ADGRL3: variants seen among roughly 807,000 people sequenced by gnomAD.
ADGRL3 encodes the protein calcium-independent alpha-latrotoxin receptor 3.
In ADGRL3, 62 loss-of-function variants were observed where a neutral mutation model predicts 153.5. The observed-to-expected ratio is 0.40, with a 90% CI of 0.33 to 0.50. The LOEUF is 0.50. Among genes scored for constraint, ADGRL3 ranks in the 20% least tolerant of loss-of-function variants. The pLI is 0.47. For synonymous variants in ADGRL3, 710 were observed against 672.5 expected (o/e 1.06, Z -0.86); for missense variants, 1,641 against 1,859.4 (o/e 0.88, Z 2.16).
chr4:61,325,863 T>C (rs2095453563), intron 1 of ADGRL3, among the ~76,000 whole-genome samples: 2 of 152,300 alleles, frequency 1.3e-5, no homozygotes, highest in East Asian at 1.9e-4. Context: ...ATAAAAGTCA[T>C]GATTACTAAC....
In ADGRL3 at chr4:61,947,174, A is replaced by G. The variant is rs2098928450; in HGVS notation, c.2628+52A>G. ...TGTTCATATTATCTGTATTTTTATAACACTGAACATTAAGTGTATTAATTT... is the reference window on the plus strand; with the variant it reads ...TGTTCATATTATCTGTATTTTTATAGCACTGAACATTAAGTGTATTAATTT... On this transcript the variant is annotated intron_variant, in intron 16 of 26. Transcript: ENST00000683033. The G allele has an allele frequency of 7.4e-6, 10 of 1,346,958 alleles. No individual in the cohort carries two copies. The Admixed American group carries it at 1.1e-4, about 14-fold the overall frequency. The allele number at this position is 1,346,958 out of a possible 1,614,324, so 83.4% of individuals were successfully genotyped here.
chr4:61,411,221 C>T (rs1419609851), intron 2 of ADGRL3, among the ~76,000 whole-genome samples: 1 of 151,630 alleles, frequency 6.6e-6, no homozygotes, highest in Non-Finnish European at 1.5e-5. Context: ...ATTCAGTGAT[C>T]ATGTCTCTTC....
intron 6 of ADGRL3, among the ~76,000 whole-genome samples, chr4:61,718,141 T>C (rs1260002711): frequency 6.6e-6 from 1 of 152,188 alleles, no homozygotes; most frequent in Non-Finnish European, 1.5e-5. Context: ...GTGGGGTTTT[T>C]TGTAATTAGA....
At chr4:61,689,512 A>C (rs1182641273) in intron 6 of ADGRL3, among the ~76,000 whole-genome samples, 1 of 152,208 alleles carries the variant, frequency 6.6e-6, no homozygotes, top group Non-Finnish European at 1.5e-5. Flanking sequence ...ATTGGCTCTT[A>C]ACAGCCATTT....
At chr4:61,278,702 C>G (rs1370892857) in intron 1 of ADGRL3, among the ~76,000 whole-genome samples, 1 of 152,038 alleles carries the variant, frequency 6.6e-6, no homozygotes, top group African/African-American at 2.4e-5. Flanking sequence ...AATGGAGTTT[C>G]ACCATGTTGG....
chr4:61,575,861 C>T (rs2098874454), intron 4 of ADGRL3, among the ~76,000 whole-genome samples: 1 of 151,768 alleles, frequency 6.6e-6, no homozygotes. Context: ...GCTGTGTGGC[C>T]CTGAAAAATG....
At chr4:61,700,675 C>T (rs17226249) in intron 6 of ADGRL3, among the ~76,000 whole-genome samples, 1 of 151,994 alleles carries the variant, frequency 6.6e-6, no homozygotes, top group African/African-American at 2.4e-5. Flanking sequence ...GAATTTTGAG[C>T]CATAGTGATT....
chr4:61,581,869 A>C (rs972209442), intron 4 of ADGRL3, among the ~76,000 whole-genome samples: 1 of 152,068 alleles, frequency 6.6e-6, no homozygotes, highest in Non-Finnish European at 1.5e-5. Context: ...CGTTGTTCAA[A>C]TACATTCTTT....
chr4:61,662,884 A>G lies in ADGRL3; in HGVS notation c.474-13942A>G, dbSNP rs368930367. ...CCACTGTGGGTCTCCTCTCTGCTGA[A>G]AGCTGAACACTCATCAGGACACCTT... On this transcript the variant is annotated intron_variant, in intron 5 of 26. Coordinates refer to ENST00000683033, the MANE Select transcript of ADGRL3 (RefSeq NM_001387552.1). 1.6e-4 allele frequency among the ~76,000 whole-genome samples: 25 copies of G among 151,690 alleles called. 1 individual carries two copies. Among genetic ancestry groups the G allele is most frequent in the African/African-American group, 6.0e-4 (25 of 41,354 alleles).
At chr4:61,864,162 A>G (rs1042599747) in intron 9 of ADGRL3, among the ~76,000 whole-genome samples, 2 of 152,234 alleles carry the variant, frequency 1.3e-5, no homozygotes, top group Non-Finnish European at 2.9e-5. Flanking sequence ...GTTACTGAGT[A>G]AAACTTCTTA....
chr4:61,357,682 G>A (rs1405434374), intron 1 of ADGRL3, among the ~76,000 whole-genome samples: 1 of 151,940 alleles, frequency 6.6e-6, no homozygotes, highest in Non-Finnish European at 1.5e-5. Flanking sequence ...GGCCAAATTT[G>A]GCCCCTGTGA....
At chr4:61,469,883 G>A (rs2097924303) in intron 2 of ADGRL3, among the ~76,000 whole-genome samples, 2 of 151,626 alleles carry the variant, frequency 1.3e-5, no homozygotes, top group Admixed American at 6.6e-5. Context: ...ATATGTTTAT[G>A]TCATGACAAT....
chr4:61,589,603 T>C (rs545777885), intron 5 of ADGRL3, among the ~76,000 whole-genome samples: 4 of 152,090 alleles, frequency 2.6e-5, no homozygotes, highest in Non-Finnish European at 4.4e-5. Flanking sequence ...AGAAAGAGAC[T>C]ATATCAGAGT....
At chr4:61,646,113 C>T (rs1019743878) in intron 5 of ADGRL3, among the ~76,000 whole-genome samples, 6 of 152,218 alleles carry the variant, frequency 3.9e-5, no homozygotes, top group African/African-American at 1.2e-4. Context: ...ACGTAGTTCT[C>T]GAGCCTTGGT....
chr4:61,904,385 G>C (rs1013372789), intron 11 of ADGRL3, among the ~76,000 whole-genome samples: 1 of 152,136 alleles, frequency 6.6e-6, no homozygotes, highest in Non-Finnish European at 1.5e-5. Context: ...CTGAGATCAA[G>C]TGATCTGCCC....
intron 17 of ADGRL3, among the ~76,000 whole-genome samples, chr4:61,977,789 A>T (rs575274038): frequency 1.3e-5 from 2 of 151,844 alleles, no homozygotes; most frequent in Non-Finnish European, 2.9e-5. Flanking sequence ...TTAAAAATCA[A>T]TTTTTTTTCA....
chr4:61,254,942 CA>C (rs1200225887), intron 1 of ADGRL3, among the ~76,000 whole-genome samples: 2 of 152,030 alleles, frequency 1.3e-5, no homozygotes, highest in African/African-American at 4.8e-5. Flanking sequence ...TGGCTTCCTT[CA>C]TTCTTATGTC....
intron 9 of ADGRL3, among the ~76,000 whole-genome samples, chr4:61,885,020 T>G (rs1237894930): frequency 6.6e-6 from 1 of 150,732 alleles, no homozygotes; most frequent in Non-Finnish European, 1.5e-5. Flanking sequence ...CTCACGCCTA[T>G]AATCCCAGCA....
chr4:61,751,467 G>GT (rs2096755958), intron 8 of ADGRL3, among the ~76,000 whole-genome samples: 1 of 152,112 alleles, frequency 6.6e-6, no homozygotes, highest in Non-Finnish European at 1.5e-5. Context: ...AACCCTTTTC[G>GT]TAAGTGTAGA....
Sources: gnomAD v4.1 joint callset for allele counts (sites outside exome capture counted in the v4.1 genomes callset) on GRCh38, gnomAD v4.1.1 for gene constraint, MANE v1.5 for transcripts, NCBI Gene and HGNC (gene_info 2026-07-23, HGNC 2026-07-21) for gene names.